TGS1: variants seen among roughly 807,000 people sequenced by gnomAD.
The protein encoded by TGS1 is trimethylguanosine synthase 1, also known as trimethylguanosine synthase.
In TGS1, 69 loss-of-function variants were observed where a neutral mutation model predicts 92.2. The observed-to-expected ratio is 0.75, with a 90% CI of 0.62 to 0.91. The LOEUF (loss-of-function observed/expected upper bound fraction) is 0.91. Ranked by LOEUF, TGS1 falls within the 40% of genes least tolerant of loss-of-function variation. The probability of loss-of-function intolerance (pLI) is 0.00; values close to 1 mark genes in which losing one functional copy is unlikely to be tolerated. For synonymous variants in TGS1, 345 were observed against 338.1 expected (o/e 1.02, Z -0.22); for missense variants, 1,062 against 1,001.2 (o/e 1.06, Z -0.82).
rs776121726 is a variant in TGS1, at chr8:55,796,005, T to C, written c.1395T>C (p.His465=). The C allele has an allele frequency of 6.2e-7, 1 of 1,613,556 alleles. No individual in the cohort carries two copies. Among genetic ancestry groups the C allele is most frequent in the Non-Finnish European group, 8.5e-7 (1 of 1,179,802 alleles). The change falls in exon 7 of 13, where the codon CAT becomes CAC. Residue 465 remains histidine (H), a synonymous_variant. Transcript: ENST00000260129. ...QKYGGIPNFS[H]RQVRYLEKNV... The stretch of plus-strand genomic sequence containing the variant: ...ATGGTGGAATCCCAAATTTCAGTCA[T>C]CGGCAGGTCAGGTATTTAGAGAAGA...
chr8:55,813,492 A>T (rs1440533753), intron 12 of TGS1, among the ~76,000 whole-genome samples: 1 of 152,186 alleles, frequency 6.6e-6, no homozygotes, highest in African/African-American at 2.4e-5. Context: ...TCTTCATTTC[A>T]TGTTTTTGTT....
chr8:55,787,290 G>A (rs1006662203), intron 4 of TGS1, among the ~76,000 whole-genome samples: 15 of 152,114 alleles, frequency 9.9e-5, no homozygotes, highest in Admixed American at 8.5e-4. Flanking sequence ...GTACTTTGGT[G>A]GCTAATGAAG....
intron 1 of TGS1, among the ~76,000 whole-genome samples, chr8:55,775,157 G>C (rs1222204293): frequency 6.6e-6 from 1 of 151,996 alleles, no homozygotes; most frequent in African/African-American, 2.4e-5. Context: ...TGGAGGCTTG[G>C]GCCAGATGCT....
chr8:55,779,939 C>T (rs1344858589), intron 1 of TGS1, among the ~76,000 whole-genome samples: 5 of 150,720 alleles, frequency 3.3e-5, no homozygotes, highest in Admixed American at 6.6e-5. Context: ...CAGTGGCAAC[C>T]TCCACCCTCT....
chr8:55,777,589 G>T (rs1351598283), intron 1 of TGS1, among the ~76,000 whole-genome samples: 2 of 151,770 alleles, frequency 1.3e-5, no homozygotes, highest in Non-Finnish European at 2.9e-5. Flanking sequence ...GCCCAGGCTG[G>T]AGTGCAGTGG....
intron 12 of TGS1, among the ~76,000 whole-genome samples, chr8:55,822,255 A>G (rs1803665753): frequency 6.6e-6 from 1 of 151,994 alleles, no homozygotes; most frequent in Admixed American, 6.6e-5. Flanking sequence ...TATTTTTAGT[A>G]GAGACGGGGT....
Position 55,796,105 on chromosome 8 carries a change from A to G in TGS1, c.1495A>G (p.Lys499Glu). The G allele has an allele frequency of 1.9e-6, 3 of 1,612,890 alleles. No individual in the cohort carries two copies. Among genetic ancestry groups the G allele is most frequent in the Non-Finnish European group, 2.5e-6 (3 of 1,179,362 alleles). ...KMKNKHIFFT[K>E]ESEKPFFKKS... ...GAAAAACAAACACATCTTCTTTACC[A>G]AAGAGTCAGAAAAACCATTTTTCAA... The change falls in exon 7 of 13, where the codon AAA becomes GAA. Residue 499 changes from lysine to glutamate, a missense_variant. By Grantham distance (56) the Lys-to-Glu change is moderately conservative. Coordinates refer to ENST00000260129, the MANE Select transcript of TGS1 (RefSeq NM_024831.8).
In TGS1 at chr8:55,773,585, C is replaced by T; in HGVS notation, c.-34C>T. ...GGAGGCCCGGCAGGCGCGACCCGGG[C>T]TGCGTACGTCAGAGCTGCCTCCGAA... On this transcript the variant is annotated 5_prime_UTR_variant, in exon 1 of 13. Transcript: ENST00000260129. The T allele has an allele frequency of 6.4e-7, 1 of 1,563,382 alleles. No homozygotes were observed. Among genetic ancestry groups the T allele is most frequent in the Admixed American group, 1.8e-5 (1 of 55,398 alleles).
At chr8:55,807,620 C>T (rs1041609248) in intron 10 of TGS1, among the ~76,000 whole-genome samples, 5 of 151,938 alleles carry the variant, frequency 3.3e-5, no homozygotes, top group African/African-American at 4.8e-5. Flanking sequence ...CTTGACTTCC[C>T]GGGCTCAAGT....
At chr8:55,792,587 T>G (rs1238541235) in intron 5 of TGS1, 111 bp from the exon 6 acceptor site, 2 of 660,526 alleles carry the variant, frequency 3.0e-6, no homozygotes, top group Non-Finnish European at 2.7e-6. Context: ...TATGGTTGAC[T>G]ATGGTGTTGG....
chr8:55,776,070 T>C (rs1299209575), intron 1 of TGS1, among the ~76,000 whole-genome samples: 1 of 152,000 alleles, frequency 6.6e-6, no homozygotes, highest in Non-Finnish European at 1.5e-5. Context: ...GGAAGGGGTT[T>C]ATTCGGCCAG....
intron 12 of TGS1, among the ~76,000 whole-genome samples, chr8:55,820,157 T>A (rs1286039778): frequency 1.3e-5 from 2 of 152,194 alleles, no homozygotes; most frequent in Non-Finnish European, 1.5e-5. Flanking sequence ...TCATTAGTAA[T>A]TATTATCTAT....
chr8:55,813,796 C>T (rs1803399761), intron 12 of TGS1, among the ~76,000 whole-genome samples: 1 of 151,908 alleles, frequency 6.6e-6, no homozygotes. Context: ...TAGTGTTTGT[C>T]GCTTCCTTTT....
At chr8:55,774,428 T>TA (rs1353188865) in intron 1 of TGS1, among the ~76,000 whole-genome samples, 1 of 152,250 alleles carries the variant, frequency 6.6e-6, no homozygotes, top group Non-Finnish European at 1.5e-5. Context: ...TTTTATGTGA[T>TA]AGACTTTTAA....
At chr8:55,823,275 A>G (rs762992746) in intron 12 of TGS1, among the ~76,000 whole-genome samples, 9 of 152,222 alleles carry the variant, frequency 5.9e-5, no homozygotes, top group South Asian at 2.1e-4. Context: ...CTAGTTTACA[A>G]TGTACCAAGG....
intron 5 of TGS1, among the ~76,000 whole-genome samples, chr8:55,791,095 GC>G (rs1382872996): frequency 2.0e-5 from 3 of 152,098 alleles, no homozygotes; most frequent in African/African-American, 7.2e-5. Context: ...GAACACTGAG[GC>G]AAACAGGAAT....
Position 55,808,757 on chromosome 8 carries a change from A to G in TGS1, c.2144-2124A>G, listed in dbSNP as rs192450616. ...CTCCTGACCTCAGGTGATCCACCCAACCTCGGCCTCCCAAAGTGCTGGGAT... is the reference window on the plus strand; with the variant it reads ...CTCCTGACCTCAGGTGATCCACCCAGCCTCGGCCTCCCAAAGTGCTGGGAT... On this transcript the variant is annotated intron_variant, in intron 10 of 12. Transcript: ENST00000260129. Among the ~76,000 whole-genome samples, 76 of 151,928 alleles carry G rather than the reference A, an allele frequency of 5.0e-4. 1 individual carries two copies. The Middle Eastern group carries it at 0.014, about 27-fold the overall frequency.
chr8:55,773,838 C>T (rs1257952187), intron 1 of TGS1, 119 bp downstream of exon 1: 12 of 771,970 alleles, frequency 1.6e-5, no homozygotes, highest in Non-Finnish European at 2.1e-5. Flanking sequence ...CCCTTGGGCA[C>T]GGTGATGTTT....
intron 10 of TGS1, 126 bp from the exon 11 acceptor site, chr8:55,810,755 C>T: frequency 1.3e-6 from 1 of 748,598 alleles, no homozygotes; most frequent in Non-Finnish European, 2.2e-6. Flanking sequence ...TATATGTGGC[C>T]AAATGTCTCC....
Sources: gnomAD v4.1 joint callset for allele counts (sites outside exome capture counted in the v4.1 genomes callset) on GRCh38, gnomAD v4.1.1 for gene constraint, MANE v1.5 for transcripts, NCBI Gene and HGNC (gene_info 2026-07-23, HGNC 2026-07-21) for gene names.